Variants in EBF3 observed in about 807,000 individuals in gnomAD.
The protein encoded by EBF3 is EBF transcription factor 3.
Under a neutral mutation model 77.1 loss-of-function variants are expected in EBF3, and 18 were observed. The observed-to-expected ratio is 0.23, with a 90% CI of 0.16 to 0.35. The LOEUF is 0.35. Ranked by LOEUF, EBF3 falls within the 10% of genes least tolerant of loss-of-function variation. The probability of loss-of-function intolerance (pLI) is 1.00; values close to 1 mark genes in which losing one functional copy is unlikely to be tolerated. For synonymous variants in EBF3, 350 were observed against 343.5 expected (o/e 1.02, Z -0.21); for missense variants, 558 against 860.0 (o/e 0.65, Z 4.39).
Position 129,917,057 on chromosome 10 carries a change from T to C in EBF3, c.555-39208A>G, listed in dbSNP as rs565004231. On this transcript the variant is annotated intron_variant, in intron 6 of 16. Transcript: ENST00000440978. ...AGACTAAACCCATAAACAAAACCGG[T>C]TACTTGTCATGTATTAAAAGTGGGA... Among the ~76,000 whole-genome samples, 3 of 152,256 alleles carry C rather than the reference T, an allele frequency of 2.0e-5. No homozygotes were observed. In the South Asian group the frequency reaches 6.2e-4, roughly 32 times the overall value.
At chr10:129,933,364 C>T (rs907707569) in intron 6 of EBF3, among the ~76,000 whole-genome samples, 4 of 152,234 alleles carry the variant, frequency 2.6e-5, no homozygotes, top group African/African-American at 9.6e-5. Flanking sequence ...GCTGGGACGC[C>T]CCGAGTATGG....
At position 129,842,028 on chromosome 10, in the gene EBF3, G is replaced by A. The variant is rs1850098803; in HGVS notation, c.1372+88C>T. ...AGAACGCTACGGACATTCCCCAGCTGGCCCTGGACACGTGCCTCTTCAGCT... is the reference window on the plus strand; with the variant it reads ...AGAACGCTACGGACATTCCCCAGCTAGCCCTGGACACGTGCCTCTTCAGCT... On this transcript the variant is annotated intron_variant, in intron 13 of 16. Coordinates refer to ENST00000440978, the MANE Select transcript of EBF3 (RefSeq NM_001375380.1). The surrounding 1 kb of genome is among the most constrained non-coding windows in gnomAD (Gnocchi z 4.4). 1.0e-5 allele frequency: 16 copies of A among 1,539,000 alleles called. No homozygotes were observed. The South Asian group carries it at 1.6e-4, about 16-fold the overall frequency.
intron 6 of EBF3, among the ~76,000 whole-genome samples, chr10:129,899,829 G>A (rs1188052382): frequency 6.6e-6 from 1 of 152,156 alleles, no homozygotes; most frequent in African/African-American, 2.4e-5. Flanking sequence ...CCTCTTGATT[G>A]ATGTTTTAGT....
Position 129,885,938 on chromosome 10 carries a change from T to C in EBF3, c.555-8089A>G, listed in dbSNP as rs1448309755. Among the ~76,000 whole-genome samples, 1 of 152,098 alleles carries C rather than the reference T, an allele frequency of 6.6e-6. No individual in the cohort carries two copies. The highest frequency in any genetic ancestry group is 1.5e-5 in the Non-Finnish European group (1 of 68,020). On this transcript the variant is annotated intron_variant, in intron 6 of 16. Coordinates refer to ENST00000440978, the MANE Select transcript of EBF3 (RefSeq NM_001375380.1). This position sits in a 1 kb window ranked among gnomAD's most constrained non-coding sequence, Gnocchi z 4.0. ...GTGTGTGTTTTTAGGGATCTGAAGA[T>C]CACGGGAATGCTTCTTTCGCCATCC...
In EBF3 at chr10:129,863,709, A is replaced by G. The variant is rs1197198964; in HGVS notation, c.1039+3432T>C. 1.3e-5 allele frequency among the ~76,000 whole-genome samples: 2 copies of G among 152,140 alleles called. No homozygotes were observed. Among genetic ancestry groups the G allele is most frequent in the Non-Finnish European group, 2.9e-5 (2 of 68,038 alleles). On this transcript the variant is annotated intron_variant, in intron 10 of 16. Transcript: ENST00000440978. This position sits in a 1 kb window ranked among gnomAD's most constrained non-coding sequence, Gnocchi z 4.0. The stretch of plus-strand genomic sequence containing the variant: ...GCTCAGTTTTCAGCGGGGGAGTGCA[A>G]TTCCCGGTGATTACCTCATTGTCCC...
chr10:129,925,682 T>C (rs749146323), intron 6 of EBF3, among the ~76,000 whole-genome samples: 1 of 151,812 alleles, frequency 6.6e-6, no homozygotes, highest in Admixed American at 6.6e-5. Context: ...AACTATATAC[T>C]TGAAAATGGT....
intron 7 of EBF3, among the ~76,000 whole-genome samples, chr10:129,875,618 T>C (rs1434150060): frequency 6.6e-6 from 1 of 152,260 alleles, no homozygotes; most frequent in Non-Finnish European, 1.5e-5. Context: ...CCTTGGCCAC[T>C]GCCAGGATTG....
At chr10:129,911,862 C>T (rs142848698) in intron 6 of EBF3, among the ~76,000 whole-genome samples, 1 of 152,336 alleles carries the variant, frequency 6.6e-6, no homozygotes, top group East Asian at 1.9e-4. Flanking sequence ...CCGAAGGGAG[C>T]TTTGCCAACA....
At chr10:129,866,991 T>A in intron 10 of EBF3, 150 bp downstream of exon 10, 5 of 1,165,402 alleles carry the variant, frequency 4.3e-6, no homozygotes, top group Non-Finnish European at 5.7e-6. Context: ...AAACTGCATA[T>A]CCAGCTAAAC....
At chr10:129,924,623 A>G (rs1379180470) in intron 6 of EBF3, among the ~76,000 whole-genome samples, 1 of 152,188 alleles carries the variant, frequency 6.6e-6, no homozygotes, top group Non-Finnish European at 1.5e-5. Flanking sequence ...ATCTCCGTGT[A>G]TACACAAGAG....
Position 129,885,310 on chromosome 10 carries a change from A to G in EBF3, c.555-7461T>C, listed in dbSNP as rs956141260. Among the ~76,000 whole-genome samples the G allele has an allele frequency of 2.0e-5, 3 of 152,126 alleles. No individual in the cohort carries two copies. Among genetic ancestry groups the G allele is most frequent in the Non-Finnish European group, 4.4e-5 (3 of 68,024 alleles). On this transcript the variant is annotated intron_variant, in intron 6 of 16. Transcript: ENST00000440978. The surrounding 1 kb of genome is among the most constrained non-coding windows in gnomAD (Gnocchi z 4.0). ...TGGAGAAATTTGTATGACTCGCATT[A>G]AACTTTTCCGGGTGGTTTTAATGTG...
At chr10:129,858,609 G>T (rs541187997) in intron 10 of EBF3, among the ~76,000 whole-genome samples, 1 of 152,168 alleles carries the variant, frequency 6.6e-6, no homozygotes, top group Non-Finnish European at 1.5e-5. Flanking sequence ...GACAAAAAGG[G>T]CCAGTGGGGA....
At chr10:129,886,888 A>G (rs945321251) in intron 6 of EBF3, among the ~76,000 whole-genome samples, 5 of 151,456 alleles carry the variant, frequency 3.3e-5, no homozygotes, top group Non-Finnish European at 7.4e-5. Flanking sequence ...GCAGGAGACT[A>G]TGTATGAGAG....
intron 6 of EBF3, among the ~76,000 whole-genome samples, chr10:129,915,583 G>A (rs1290534126): frequency 6.6e-6 from 1 of 152,118 alleles, no homozygotes; most frequent in African/African-American, 2.4e-5. Flanking sequence ...GAAGTTTGTT[G>A]TAACGAGCGA....
chr10:129,926,609 G>A lies in EBF3; in HGVS notation c.554+30649C>T, dbSNP rs76582629. Among the ~76,000 whole-genome samples the A allele has an allele frequency of 9.2e-5, 14 of 152,336 alleles. No individual in the cohort carries two copies. In the East Asian group the frequency reaches 2.5e-3, roughly 27 times the overall value. ...CTGTGGCCAAGTGGCCAGGGAGGGG[G>A]CTGGGCAGACTGGAGCACCCACTGG... On this transcript the variant is annotated intron_variant, in intron 6 of 16. Coordinates refer to ENST00000440978, the MANE Select transcript of EBF3 (RefSeq NM_001375380.1).
chr10:129,845,686 A>G (rs1850402504), intron 11 of EBF3: 2 of 152,330 alleles, frequency 1.3e-5, no homozygotes, highest in South Asian at 4.1e-4. Flanking sequence ...AAAAGCGGGG[A>G]AAAGAAGATG....
intron 6 of EBF3, among the ~76,000 whole-genome samples, chr10:129,927,053 C>A (rs1322552728): frequency 2.0e-5 from 3 of 152,206 alleles, no homozygotes; most frequent in Non-Finnish European, 4.4e-5. Flanking sequence ...TCAGGCGCAT[C>A]TTTTTTGGCT....
At chr10:129,856,776 T>C (rs1589717072) in intron 10 of EBF3, among the ~76,000 whole-genome samples, 1 of 152,248 alleles carries the variant, frequency 6.6e-6, no homozygotes, top group Non-Finnish European at 1.5e-5. Context: ...GCACAAACTT[T>C]GTGAATATAC....
chr10:129,837,910 G>A lies in EBF3; in HGVS notation c.*33C>T, dbSNP rs1348112686. ...CCGTCCTTTGATGCTGGGTGCTGCG[G>A]AAGGTAAACAGAAGTCCCTCACATT... is the stretch of plus-strand genomic sequence containing the variant. On this transcript the variant is annotated 3_prime_UTR_variant, in exon 17 of 17. Coordinates refer to ENST00000440978, the MANE Select transcript of EBF3 (RefSeq NM_001375380.1). The A allele has an allele frequency of 1.2e-6, 2 of 1,614,028 alleles. No individual in the cohort carries two copies. The highest frequency in any genetic ancestry group is 1.7e-6 in the Non-Finnish European group (2 of 1,180,036).
Sources: gnomAD v4.1 joint callset for allele counts (sites outside exome capture counted in the v4.1 genomes callset) on GRCh38, gnomAD v4.1.1 for gene constraint, Gnocchi (gnomAD v3.1) non-coding constraint, MANE v1.5 for transcripts, NCBI Gene and HGNC (gene_info 2026-07-23, HGNC 2026-07-21) for gene names.